The following AP1M2 variants were observed in gnomAD, a reference collection of about 807,000 sequenced individuals.
AP1M2 encodes adaptor related protein complex 1 subunit mu 2, also known as AP-1 complex subunit mu-2.
In AP1M2, 41 loss-of-function variants were observed where a neutral mutation model predicts 54.6. The ratio of observed to expected loss-of-function variants is 0.75; its 90% CI spans 0.59 to 0.97. AP1M2 has a LOEUF of 0.97. Ranked by LOEUF, AP1M2 falls within the 50% of genes least tolerant of loss-of-function variation. AP1M2 has a pLI of 0.00. For missense variants in AP1M2, 507 were observed against 561.2 expected (o/e 0.90, Z 0.98); for synonymous variants, 219 against 215.9 (o/e 1.01, Z -0.13).
intron 2 of AP1M2, 119 bp from the exon 3 acceptor site, chr19:10,583,792 G>A (rs1917542611): frequency 1.3e-6 from 2 of 1,490,394 alleles, no homozygotes; most frequent in Non-Finnish European, 1.8e-6. Context: ...CTGCCCCCCA[G>A]CCTAAGCCAC....
chr19:10,587,290 C>T lies in AP1M2; in HGVS notation c.-59G>A. 1 of 1,545,240 alleles carries T rather than the reference C, an allele frequency of 6.5e-7. No homozygotes were observed. The highest frequency in any genetic ancestry group is 1.4e-5 in the African/African-American group (1 of 73,080). On this transcript the variant is annotated 5_prime_UTR_variant, in exon 1 of 12. Coordinates refer to ENST00000250244, the MANE Select transcript of AP1M2 (RefSeq NM_005498.5). ...GAGCGCCGGGAGGCGATGGCGGCGC[C>T]GCTTCCTTCTTCCTGCGGAAGCGCC... is the stretch of plus-strand genomic sequence containing the variant.
At chr19:10,583,309 A>C (rs1328177028) in intron 3 of AP1M2, among the ~76,000 whole-genome samples, 1 of 152,030 alleles carries the variant, frequency 6.6e-6, no homozygotes, top group Admixed American at 6.6e-5. Context: ...GATGAGATGC[A>C]GAGTGATGGG....
intron 8 of AP1M2, 87 bp downstream of exon 8, chr19:10,578,805 G>T: frequency 1.9e-6 from 2 of 1,045,408 alleles, no homozygotes; most frequent in Non-Finnish European, 2.9e-6. Context: ...AACCACCCCG[G>T]CCTCCCAAAG....
intron 6 of AP1M2, among the ~76,000 whole-genome samples, chr19:10,580,292 C>G (rs1208155283): frequency 6.6e-6 from 1 of 151,606 alleles, no homozygotes. Context: ...CTCAGGTGAT[C>G]CTCCCTCCTC....
chr19:10,583,773 T>C (rs770895003), intron 2 of AP1M2, 100 bp from the exon 3 acceptor site: 1 of 1,482,480 alleles, frequency 6.7e-7, no homozygotes, highest in South Asian at 1.2e-5. Flanking sequence ...CCCTCATCTC[T>C]ACCTGCCCCT....
Position 10,581,524 on chromosome 19 carries a change from T to A in AP1M2, c.509A>T (p.Glu170Val). ...AGACTCTATGACATCAATGAAGACC[T>A]CGTTCTTCTTATACTTGATACCCTC... Reference protein sequence around the residue: ...RSEGIKYKKNEVFIDVIESVN... With the variant: ...RSEGIKYKKNVVFIDVIESVN... Residue 170 changes from glutamate to valine, a missense_variant, in exon 5 of 12, where the codon GAG (glutamate) becomes GTG (valine). Glu to Val is a moderately radical substitution (Grantham distance 121). Coordinates refer to ENST00000250244, the MANE Select transcript of AP1M2 (RefSeq NM_005498.5). 6.2e-7 allele frequency: 1 copy of A among 1,613,890 alleles called. No homozygotes were observed. The highest frequency in any genetic ancestry group is 8.5e-7 in the Non-Finnish European group (1 of 1,179,866).
intron 6 of AP1M2, among the ~76,000 whole-genome samples, 177 bp downstream of exon 6, chr19:10,581,089 C>T (rs752552743): frequency 6.6e-6 from 1 of 152,222 alleles, no homozygotes; most frequent in Non-Finnish European, 1.5e-5. Context: ...ACCCAATAGT[C>T]GCTCAATCAT....
At chr19:10,576,448 G>A (rs1301153463) in intron 9 of AP1M2, among the ~76,000 whole-genome samples, 2 of 151,730 alleles carry the variant, frequency 1.3e-5, no homozygotes, top group African/African-American at 4.8e-5. Context: ...ATTTTTAGTA[G>A]AGATGGGGTT....
intron 3 of AP1M2, among the ~76,000 whole-genome samples, chr19:10,583,386 A>C (rs1355906842): frequency 1.3e-5 from 2 of 151,698 alleles, no homozygotes; most frequent in African/African-American, 4.8e-5. Context: ...GGTGGCTCCC[A>C]TGCTTTGGGA....
intron 1 of AP1M2, among the ~76,000 whole-genome samples, chr19:10,585,283 A>AGAAGG (rs1568434693): frequency 9.6e-6 from 1 of 104,570 alleles, no homozygotes; most frequent in Admixed American, 9.6e-5. Flanking sequence ...AAAGAAGAAA[A>AGAAGG]AAAGAAAGAA....
At chr19:10,573,417 T>C (rs1012553745) in intron 11 of AP1M2, among the ~76,000 whole-genome samples, 1 of 151,260 alleles carries the variant, frequency 6.6e-6, no homozygotes, top group African/African-American at 2.4e-5. Context: ...AGATTCCATC[T>C]CAAAAAAGAA....
At position 10,575,020 on chromosome 19, in the gene AP1M2, C is replaced by T. The variant is rs1212039121; in HGVS notation, c.1057G>A (p.Glu353Lys). ...WSIKSFPGGK[E>K]YLMRAHFGLP... ...CCAAAGTGGGCTCGCATCAAGTACT[C>T]CTTGCCCCCCTGAGGGAACATGGGG... Residue 353 changes from glutamate (E) to lysine (K), a missense_variant, in exon 10 of 12, where the codon GAG becomes AAG. Physicochemically the swap from Glu to Lys is moderately conservative, Grantham distance 56. Coordinates refer to ENST00000250244, the MANE Select transcript of AP1M2 (RefSeq NM_005498.5). 3 of 1,517,742 alleles carry T rather than the reference C, an allele frequency of 2.0e-6. No individual in the cohort carries two copies. Among genetic ancestry groups the T allele is most frequent in the Non-Finnish European group, 2.7e-6 (3 of 1,129,316 alleles). The allele number at this position is 1,517,742 out of a possible 1,614,324, so 94.0% of individuals were successfully genotyped here. A position where few individuals can be genotyped will look rare whatever the true frequency, so the allele number is the denominator to read the frequency against.
At chr19:10,585,286 A>AGAAAGAAAGAAAGAAGGAAG (rs1446294309) in intron 1 of AP1M2, among the ~76,000 whole-genome samples, 3 of 58,092 alleles carry the variant, frequency 5.2e-5, no homozygotes, top group Non-Finnish European at 1.2e-4. Context: ...GAAGAAAAAA[A>AGAAAGAAAGAAAGAAGGAAG]GAAAGAAAGA....
In AP1M2 at chr19:10,578,949, G is replaced by A; in HGVS notation, c.831C>T (p.Ile277=). ...ACTTCTCAATGACAGACTCAATCCAGATCAGTGGCTTGACCTGTGGGAAGA... is the reference window on the plus strand; with the variant it reads ...ACTTCTCAATGACAGACTCAATCCAAATCAGTGGCTTGACCTGTGGGAAGA... ...YRLSTQVKPL[I]WIESVIEKFS... is the part of the protein sequence containing the mutation. Residue 277 remains isoleucine (I), a synonymous_variant, in exon 8 of 12, where the codon ATC becomes ATT. Coordinates refer to ENST00000250244, the MANE Select transcript of AP1M2 (RefSeq NM_005498.5). 1 of 1,605,886 alleles carries A rather than the reference G, an allele frequency of 6.2e-7. No homozygotes were observed. The highest frequency in any genetic ancestry group is 8.5e-7 in the Non-Finnish European group (1 of 1,176,192).
intron 9 of AP1M2, 104 bp downstream of exon 9, chr19:10,577,094 G>A: frequency 7.7e-7 from 1 of 1,291,356 alleles, no homozygotes; most frequent in Non-Finnish European, 1.1e-6. Context: ...CACCTGACTG[G>A]GTCTCTGATT....
At chr19:10,582,052 CTTT>C (rs928990190) in intron 3 of AP1M2, among the ~76,000 whole-genome samples, 174 bp from the exon 4 acceptor site, 2 of 148,586 alleles carry the variant, frequency 1.3e-5, no homozygotes, top group African/African-American at 2.5e-5. Flanking sequence ...TTTCTTTTTT[CTTT>C]TTTTTTTCGA....
At chr19:10,574,839 A>T (rs1741786523) in intron 10 of AP1M2, 65 bp downstream of exon 10, 1 of 1,518,830 alleles carries the variant, frequency 6.6e-7, no homozygotes, top group Admixed American at 2.1e-5. Context: ...ACTCGAGCCA[A>T]GGGACAGGAG....
intron 1 of AP1M2, among the ~76,000 whole-genome samples, chr19:10,585,286 A>AGAAAGAAAGAAAGAAG (rs1446294309): frequency 0.058 from 3,360 of 58,006 alleles, 240 homozygotes; most frequent in South Asian, 0.076. Context: ...GAAGAAAAAA[A>AGAAAGAAAGAAAGAAG]GAAAGAAAGA....
intron 9 of AP1M2, among the ~76,000 whole-genome samples, chr19:10,576,025 A>G (rs1268899580): frequency 6.7e-6 from 1 of 149,762 alleles, no homozygotes; most frequent in Non-Finnish European, 1.5e-5. Flanking sequence ...TGCCCGCCTC[A>G]GCCTCCCAAA....
Sources: allele counts gnomAD v4.1 joint callset (sites outside exome capture counted in the v4.1 genomes callset), GRCh38; gene constraint gnomAD v4.1.1; transcripts MANE v1.5; gene names NCBI Gene and HGNC (gene_info 2026-07-23, HGNC 2026-07-21).